The following BCAS1 variants were observed in gnomAD, a reference collection of about 807,000 sequenced individuals.
The protein encoded by BCAS1 is brain enriched myelin associated protein 1, also known as breast carcinoma-amplified sequence 1.
BCAS1 carries 46 observed loss-of-function variants against 65.4 expected under a neutral mutation model. The ratio of observed to expected loss-of-function variants is 0.70; its 90% CI spans 0.55 to 0.90. The LOEUF (loss-of-function observed/expected upper bound fraction) is 0.90, where lower values mean the gene tolerates loss of function less well. BCAS1 is among the 40% of genes least tolerant of loss of function. The pLI is 0.00. For missense variants in BCAS1, 793 were observed against 771.2 expected (o/e 1.03, Z -0.33); for synonymous variants, 298 against 293.5 (o/e 1.02, Z -0.16).
chr20:53,943,656 A>G lies in BCAS1; in HGVS notation c.*1266T>C, dbSNP rs1240399140. 6.6e-6 allele frequency: 1 copy of G among 152,206 alleles called. No homozygotes were observed. Among genetic ancestry groups the G allele is most frequent in the Non-Finnish European group, 1.5e-5 (1 of 68,030 alleles). The allele number at this position is 152,206 out of a possible 1,614,324, so 9.4% of individuals were successfully genotyped here. A position where few individuals can be genotyped will look rare whatever the true frequency, so the allele number is the denominator to read the frequency against. ...TTTTAATAGACTCAGGGTCCTATTT[A>G]CTCCTTTGTACAGGTATTAAAAACA... On this transcript the variant is annotated 3_prime_UTR_variant, in exon 13 of 13. Transcript: ENST00000688948.
At chr20:54,031,407 G>A (rs750540037) in intron 3 of BCAS1, among the ~76,000 whole-genome samples, 1 of 151,274 alleles carries the variant, frequency 6.6e-6, no homozygotes, top group East Asian at 1.9e-4. Context: ...TCGGTGATAC[G>A]TTCCATGCAA....
chr20:53,989,619 A>G (rs1318432614), intron 7 of BCAS1, among the ~76,000 whole-genome samples: 2 of 152,188 alleles, frequency 1.3e-5, no homozygotes, highest in East Asian at 3.8e-4. Flanking sequence ...AATACCAGTC[A>G]GAACACCATT....
Position 53,994,835 on chromosome 20 carries a change from T to C in BCAS1, c.927+177A>G, listed in dbSNP as rs552346730. Among the ~76,000 whole-genome samples the C allele has an allele frequency of 2.0e-5, 3 of 152,156 alleles. No individual in the cohort carries two copies. The South Asian group carries it at 6.2e-4, about 31-fold the overall frequency. ...AACTACTGTTAATGTAAATAAAATA[T>C]TTTAATGACAACCTAACAGCACTAT... On this transcript the variant is annotated intron_variant, in intron 6 of 12. Coordinates refer to ENST00000688948, the MANE Select transcript of BCAS1 (RefSeq NM_001366298.2).
intron 4 of BCAS1, among the ~76,000 whole-genome samples, chr20:54,013,728 C>A (rs2091371814): frequency 6.6e-6 from 1 of 152,124 alleles, no homozygotes; most frequent in Non-Finnish European, 1.5e-5. Context: ...ACTCATGGTA[C>A]AACCATTCAA....
At chr20:53,950,441 C>CT (rs1474031794) in intron 12 of BCAS1, among the ~76,000 whole-genome samples, 2 of 150,676 alleles carry the variant, frequency 1.3e-5, no homozygotes, top group Admixed American at 6.6e-5. Context: ...CACACCCCGC[C>CT]CCCAGACACA....
intron 12 of BCAS1, 80 bp from the exon 13 acceptor site, chr20:53,945,076 T>A: frequency 4.3e-6 from 5 of 1,162,988 alleles, no homozygotes; most frequent in Non-Finnish European, 6.5e-6. Context: ...ATGTAGCACT[T>A]ACTCTGTGCT....
Position 53,985,515 on chromosome 20 carries a change from A to G in BCAS1, c.1063-16T>C, listed in dbSNP as rs750476789. ...TTTCAGCACCCTAAAGAGTTAAAAA[A>G]AATGGAGGGAAAACATTCAAAATGG... is the stretch of plus-strand genomic sequence containing the variant. On this transcript the variant is annotated splice_polypyrimidine_tract_variant and intron_variant, in intron 7 of 12. Transcript: ENST00000688948. The G allele has an allele frequency of 6.2e-7, 1 of 1,608,552 alleles. No homozygotes were observed.
chr20:53,969,002 G>A (rs1010317223), intron 9 of BCAS1, among the ~76,000 whole-genome samples: 3 of 152,148 alleles, frequency 2.0e-5, no homozygotes, highest in Non-Finnish European at 2.9e-5. Flanking sequence ...TAATTCAATC[G>A]CATTTCCGAA....
chr20:53,953,075 T>C (rs1335837876), intron 12 of BCAS1, among the ~76,000 whole-genome samples: 1 of 152,214 alleles, frequency 6.6e-6, no homozygotes, highest in Non-Finnish European at 1.5e-5. Context: ...ATGATGATGT[T>C]GATGGTGATG....
chr20:54,020,481 G>T (rs2091533356), intron 4 of BCAS1, among the ~76,000 whole-genome samples: 1 of 152,208 alleles, frequency 6.6e-6, no homozygotes, highest in South Asian at 2.1e-4. Flanking sequence ...ATTTTGCAAT[G>T]ACTTTCTATT....
At chr20:53,970,209 C>T (rs2090144034) in intron 9 of BCAS1, among the ~76,000 whole-genome samples, 1 of 152,190 alleles carries the variant, frequency 6.6e-6, no homozygotes, top group African/African-American at 2.4e-5. Context: ...CTGAGCCTTT[C>T]CAAATGTTGA....
At chr20:54,047,634 A>C (rs2092133869) in intron 3 of BCAS1, among the ~76,000 whole-genome samples, 1 of 152,212 alleles carries the variant, frequency 6.6e-6, no homozygotes, top group Non-Finnish European at 1.5e-5. Flanking sequence ...GTGGTGATAC[A>C]GTGCAATGGA....
At chr20:54,059,425 T>C (rs2092348956) in intron 1 of BCAS1, among the ~76,000 whole-genome samples, 1 of 152,146 alleles carries the variant, frequency 6.6e-6, no homozygotes, top group Non-Finnish European at 1.5e-5. Context: ...GTAATTGAAA[T>C]AATAATATTT....
chr20:54,021,082 C>T (rs1372337170), intron 4 of BCAS1, among the ~76,000 whole-genome samples: 2 of 152,164 alleles, frequency 1.3e-5, no homozygotes, highest in East Asian at 3.8e-4. Context: ...TGGTTTCTAT[C>T]TGTGGCATGT....
At chr20:54,043,297 TTGATGATGATGA>T (rs3831640) in intron 3 of BCAS1, among the ~76,000 whole-genome samples, 6 of 149,870 alleles carry the variant, frequency 4.0e-5, no homozygotes, top group African/African-American at 2.5e-5. Flanking sequence ...CTATGATAAC[TTGATGATGATGA>T]TGATGATGAT....
chr20:54,042,604 T>TA (rs2092019898), intron 3 of BCAS1, among the ~76,000 whole-genome samples: 1 of 152,166 alleles, frequency 6.6e-6, no homozygotes, highest in South Asian at 2.1e-4. Flanking sequence ...TAAGAAACTG[T>TA]AAAGTATTTA....
chr20:53,977,682 A>T (rs977387409), intron 8 of BCAS1, among the ~76,000 whole-genome samples: 1 of 152,168 alleles, frequency 6.6e-6, no homozygotes, highest in Non-Finnish European at 1.5e-5. Context: ...CAGATTTTTT[A>T]AATCTTCATT....
In BCAS1 at chr20:53,996,060, A is replaced by G. The variant is rs2090901090; in HGVS notation, c.724-10T>C. ...TGCCGTCAACTATGTCCTAGGGGCA[A>G]AACAGTTGTCACAGTTGCCACTTGC... On this transcript the variant is annotated splice_polypyrimidine_tract_variant and intron_variant, in intron 4 of 12. Transcript: ENST00000688948. 1.3e-6 allele frequency: 2 copies of G among 1,571,636 alleles called. No homozygotes were observed. The highest frequency in any genetic ancestry group is 4.5e-5 in the East Asian group (2 of 44,276).
At chr20:54,051,836 T>C (rs1281622558) in intron 3 of BCAS1, among the ~76,000 whole-genome samples, 1 of 151,982 alleles carries the variant, frequency 6.6e-6, no homozygotes, top group Non-Finnish European at 1.5e-5. Context: ...CTCCCTGGGT[T>C]CAAGAGATTC....
Sources: gnomAD v4.1 joint callset for allele counts (sites outside exome capture counted in the v4.1 genomes callset) on GRCh38, gnomAD v4.1.1 for gene constraint, MANE v1.5 for transcripts, NCBI Gene and HGNC (gene_info 2026-07-23, HGNC 2026-07-21) for gene names.